ELOVL5: variants seen among roughly 807,000 people sequenced by gnomAD.
The protein encoded by ELOVL5 is very long chain fatty acid elongase 5.
In ELOVL5, 8 loss-of-function variants were observed where a neutral mutation model predicts 38.6. The ratio of observed to expected loss-of-function variants is 0.21; its 90% confidence interval spans 0.12 to 0.37. The LOEUF is 0.37. ELOVL5 is among the 10% of genes least tolerant of loss of function. ELOVL5 has a pLI of 1.00. For missense variants in ELOVL5, 280 were observed against 367.8 expected (o/e 0.76, Z 1.95); for synonymous variants, 127 against 133.7 (o/e 0.95, Z 0.34).
chr6:53,291,936 A>C lies in ELOVL5; in HGVS notation c.86T>G (p.Leu29Arg), dbSNP rs1423090675. The C allele has an allele frequency of 6.3e-7, 1 of 1,588,004 alleles. No individual in the cohort carries two copies. The highest frequency in any genetic ancestry group is 1.7e-5 in the Admixed American group (1 of 57,242). The change falls in exon 3 of 8, where the codon CTG (leucine) becomes CGG (arginine). Residue 29 changes from leucine to arginine, a missense_variant. Physicochemically the swap from Leu to Arg is moderately radical, Grantham distance 102 (BLOSUM62 -2). Around this residue, in one of 3 missense-constraint regions of ELOVL5, gnomAD observed 150 missense variants for 178.0 expected, o/e 0.84. Transcript: ENST00000304434. ...GATAAATGTGGGTATATAATTGTCC[A>C]GAAGAAACCATCCTTTTACTCTAGT... ...RDTRVKGWFLLDNYIPTFICS... is the reference protein window; with the variant it reads ...RDTRVKGWFLRDNYIPTFICS...
intron 1 of ELOVL5, among the ~76,000 whole-genome samples, chr6:53,306,717 G>A (rs1449195994): frequency 6.6e-6 from 1 of 152,168 alleles, no homozygotes; most frequent in Admixed American, 6.5e-5. Context: ...GTTCACCACT[G>A]TAGAAAATTA....
At chr6:53,323,013 G>A (rs377269139) in intron 1 of ELOVL5, among the ~76,000 whole-genome samples, 4 of 152,088 alleles carry the variant, frequency 2.6e-5, no homozygotes, top group Non-Finnish European at 4.4e-5. Flanking sequence ...ATCGTACCAC[G>A]CACTTCACAT....
intron 1 of ELOVL5, among the ~76,000 whole-genome samples, chr6:53,323,576 C>CG (rs11422368): frequency 1.2e-5 from 1 of 81,544 alleles, no homozygotes; most frequent in Non-Finnish European, 2.2e-5. Context: ...TACTAGCCAG[C>CG]TTTTTTTTTT....
intron 1 of ELOVL5, among the ~76,000 whole-genome samples, chr6:53,319,270 C>CAAAAAAAAAA (rs59435925): frequency 2.1e-4 from 16 of 74,898 alleles, no homozygotes; most frequent in Non-Finnish European, 3.3e-4. Context: ...GACTCCATCT[C>CAAAAAAAAAA]AAAAAAAAAA....
At position 53,270,996 on chromosome 6, in the gene ELOVL5, A is replaced by G. The variant is rs1765898597; in HGVS notation, c.622-269T>C. On this transcript the variant is annotated intron_variant, in intron 6 of 7. Coordinates refer to ENST00000304434, the MANE Select transcript of ELOVL5 (RefSeq NM_021814.5). ...TCAAGGATACACTATAGAGACATCC[A>G]AGACTTTTTGTTTTTATTTTTTGAG... Among the ~76,000 whole-genome samples the G allele has an allele frequency of 2.0e-5, 3 of 152,214 alleles. No homozygotes were observed. In the South Asian group the frequency reaches 6.2e-4, roughly 32 times the overall value.
intron 1 of ELOVL5, among the ~76,000 whole-genome samples, chr6:53,318,336 G>GA (rs1262919811): frequency 2.0e-5 from 3 of 152,164 alleles, no homozygotes; most frequent in African/African-American, 7.2e-5. Context: ...GTACATGTCT[G>GA]AAAACCTCAA....
intron 1 of ELOVL5, among the ~76,000 whole-genome samples, chr6:53,317,354 T>C (rs1038827353): frequency 3.9e-5 from 6 of 152,220 alleles, no homozygotes; most frequent in Non-Finnish European, 5.9e-5. Flanking sequence ...CGTATGTTTA[T>C]TGTGGCACTA....
intron 3 of ELOVL5, among the ~76,000 whole-genome samples, chr6:53,282,672 A>G (rs1345142050): frequency 6.6e-6 from 1 of 152,246 alleles, no homozygotes; most frequent in African/African-American, 2.4e-5. Flanking sequence ...TCTTGTAAGT[A>G]CTAATTTCAC....
At position 53,295,702 on chromosome 6, in the gene ELOVL5, G is replaced by C; in HGVS notation, c.-3C>G. Reference sequence around the variant, plus strand: ...AGTGATGCATCAAAATGTTCCATTTGAAAACCTATTAAGAAAAAAAAAGAT... The same window carrying C: ...AGTGATGCATCAAAATGTTCCATTTCAAAACCTATTAAGAAAAAAAAAGAT... On this transcript the variant is annotated 5_prime_UTR_variant, in exon 2 of 8. Transcript: ENST00000304434. 6.3e-7 allele frequency: 1 copy of C among 1,579,182 alleles called. No homozygotes were observed. The highest frequency in any genetic ancestry group is 1.9e-5 in the Admixed American group (1 of 52,304).
chr6:53,333,672 A>T (rs1768904739), intron 1 of ELOVL5, among the ~76,000 whole-genome samples: 2 of 152,246 alleles, frequency 1.3e-5, no homozygotes, highest in African/African-American at 4.8e-5. Flanking sequence ...TGGTCAACTT[A>T]GAATGAATGG....
At chr6:53,347,627 T>G (rs1335316942) in intron 1 of ELOVL5, among the ~76,000 whole-genome samples, 1 of 152,140 alleles carries the variant, frequency 6.6e-6, no homozygotes, top group African/African-American at 2.4e-5. Context: ...TTAAAACAAA[T>G]TAGGCTGCTC....
rs757866488 is a variant in ELOVL5, at chr6:53,269,151, C to G, written c.876G>C (p.Lys292Asn). The change falls in exon 8 of 8, where the codon AAG becomes AAC. Residue 292 changes from lysine (K) to asparagine (N), a missense_variant. Physicochemically the swap from Lys to Asn is moderately conservative, Grantham distance 94 (BLOSUM62 0). Around this residue, in one of 3 missense-constraint regions of ELOVL5, gnomAD observed 125 missense variants for 158.9 expected, o/e 0.79. Transcript: ENST00000304434. Reference sequence around the variant, plus strand: ...TTCAATCCTTCCGCAGCTTCCTTGGCTTCACATTGTTTTCCAGGGGTGAAA... The same window carrying G: ...TTCAATCCTTCCGCAGCTTCCTTGGGTTCACATTGTTTTCCAGGGGTGAAA... Reference protein sequence around the residue: ...NSFSPLENNVKPRKLRKD With the variant: ...NSFSPLENNVNPRKLRKD 1 of 1,614,004 alleles carries G rather than the reference C, an allele frequency of 6.2e-7. No individual in the cohort carries two copies. The highest frequency in any genetic ancestry group is 1.1e-5 in the South Asian group (1 of 91,058).
intron 3 of ELOVL5, among the ~76,000 whole-genome samples, chr6:53,281,320 C>A (rs908629141): frequency 6.7e-6 from 1 of 150,118 alleles, no homozygotes; most frequent in African/African-American, 2.5e-5. Flanking sequence ...GTAGGGTTGA[C>A]CCTCTTCATA....
Position 53,348,902 on chromosome 6 carries a change from C to G in ELOVL5, c.-94G>C, listed in dbSNP as rs751598381. 2.2e-6 allele frequency: 1 copy of G among 452,856 alleles called. No homozygotes were observed. Among genetic ancestry groups the G allele is most frequent in the Non-Finnish European group, 4.4e-6 (1 of 225,384 alleles). 28.1% of individuals were successfully genotyped at this position (452,856 alleles called of 1,614,324 possible). The stretch of plus-strand genomic sequence containing the variant: ...GCGCGGGTGGCAGCCGGCGCAGAGG[C>G]GGATGTAGAAGGAGACACCGGTGGC... On this transcript the variant is annotated 5_prime_UTR_variant, in exon 1 of 8. Coordinates refer to ENST00000304434, the MANE Select transcript of ELOVL5 (RefSeq NM_021814.5).
intron 1 of ELOVL5, among the ~76,000 whole-genome samples, chr6:53,299,988 C>T (rs1472477969): frequency 6.6e-6 from 1 of 152,066 alleles, no homozygotes; most frequent in Non-Finnish European, 1.5e-5. Flanking sequence ...ATTGTTCCTG[C>T]TTATTGTTTC....
At chr6:53,325,370 C>CGT (rs111393811) in intron 1 of ELOVL5, among the ~76,000 whole-genome samples, 19 of 152,058 alleles carry the variant, frequency 1.2e-4, no homozygotes, top group African/African-American at 4.3e-4. Flanking sequence ...GTCCAAATGT[C>CGT]ATTTTTTAAA....
At chr6:53,269,639 C>T (rs1765852182) in intron 7 of ELOVL5, among the ~76,000 whole-genome samples, 1 of 152,240 alleles carries the variant, frequency 6.6e-6, no homozygotes, top group South Asian at 2.1e-4. Context: ...TCTTGACACC[C>T]ACATCCCTTG....
chr6:53,294,265 C>A (rs763297535), intron 2 of ELOVL5: 3 of 1,550,318 alleles, frequency 1.9e-6, no homozygotes, highest in Non-Finnish European at 1.7e-6. Flanking sequence ...GTGGTCCTAA[C>A]CCCCTCTGGT....
chr6:53,327,030 T>A (rs1446609646), intron 1 of ELOVL5, among the ~76,000 whole-genome samples: 1 of 152,234 alleles, frequency 6.6e-6, no homozygotes, highest in Non-Finnish European at 1.5e-5. Flanking sequence ...CTACTTTAGA[T>A]GAGCTCATGT....
Sources: gnomAD v4.1 joint callset for allele counts (sites outside exome capture counted in the v4.1 genomes callset) on GRCh38, gnomAD v4.1.1 for gene constraint, gnomAD v4.1.1 regional missense constraint, MANE v1.5 for transcripts, NCBI Gene and HGNC (gene_info 2026-07-23, HGNC 2026-07-21) for gene names.